Variants in CTNND2 observed in about 807,000 individuals in gnomAD.
The protein encoded by CTNND2 is catenin delta 2, also known as catenin delta-2.
In CTNND2, 22 loss-of-function variants were observed where a neutral mutation model predicts 144.4. That is an observed-to-expected ratio of 0.15 (90% confidence interval 0.11 to 0.22). The LOEUF (loss-of-function observed/expected upper bound fraction) is 0.22. Among genes scored for constraint, CTNND2 ranks in the 10% least tolerant of loss-of-function variants. CTNND2 has a pLI of 1.00. For missense variants in CTNND2, 1,353 were observed against 1,618.8 expected (o/e 0.84, Z 2.82); for synonymous variants, 751 against 695.6 (o/e 1.08, Z -1.25).
At chr5:11,717,751 C>A (rs1786434223) in intron 2 of CTNND2, among the ~76,000 whole-genome samples, 1 of 152,046 alleles carries the variant, frequency 6.6e-6, no homozygotes, top group East Asian at 1.9e-4. Context: ...GGGGAATTCC[C>A]ATTTTTAAAG....
chr5:11,395,525 A>G (rs1277776198), intron 6 of CTNND2, among the ~76,000 whole-genome samples: 1 of 152,134 alleles, frequency 6.6e-6, no homozygotes, highest in Non-Finnish European at 1.5e-5. Flanking sequence ...TCAAACTATA[A>G]CTCTGATGAC....
chr5:11,298,462 C>T (rs1379869505), intron 9 of CTNND2, among the ~76,000 whole-genome samples: 1 of 152,220 alleles, frequency 6.6e-6, no homozygotes, highest in Non-Finnish European at 1.5e-5. Flanking sequence ...TGAGCCACTG[C>T]TCCCAGCCAT....
intron 8 of CTNND2, among the ~76,000 whole-genome samples, chr5:11,348,130 C>T (rs577207351): frequency 1.1e-4 from 17 of 152,122 alleles, no homozygotes; most frequent in Admixed American, 7.9e-4. Flanking sequence ...TTTGAAATAA[C>T]GAAGGTTGTC....
intron 2 of CTNND2, among the ~76,000 whole-genome samples, chr5:11,644,900 T>C (rs1782268229): frequency 1.3e-5 from 2 of 152,132 alleles, no homozygotes; most frequent in African/African-American, 4.8e-5. Flanking sequence ...AGAATTCAGT[T>C]TGATGGCAAA....
intron 2 of CTNND2, among the ~76,000 whole-genome samples, chr5:11,722,636 A>G (rs569705299): frequency 1.3e-5 from 2 of 152,308 alleles, no homozygotes; most frequent in East Asian, 3.9e-4. Flanking sequence ...CCTTCTTCAC[A>G]TGGTGGTAGG....
At chr5:11,874,741 G>GT (rs1303102249) in intron 1 of CTNND2, among the ~76,000 whole-genome samples, 1 of 152,142 alleles carries the variant, frequency 6.6e-6, no homozygotes, top group African/African-American at 2.4e-5. Context: ...CTATTTAATA[G>GT]TTTTAGACCA....
At chr5:11,112,909 G>A (rs192521037) in intron 13 of CTNND2, among the ~76,000 whole-genome samples, 11 of 152,282 alleles carry the variant, frequency 7.2e-5, no homozygotes, top group African/African-American at 2.2e-4. Flanking sequence ...TTGGGAGGCC[G>A]AGGTGGGTGG....
intron 2 of CTNND2, among the ~76,000 whole-genome samples, chr5:11,636,252 G>A (rs1282345734): frequency 6.6e-6 from 1 of 152,016 alleles, no homozygotes; most frequent in African/African-American, 2.4e-5. Flanking sequence ...TATAACTATT[G>A]CCAATCTCAA....
At chr5:11,692,568 G>A (rs1040464383) in intron 2 of CTNND2, among the ~76,000 whole-genome samples, 3 of 152,276 alleles carry the variant, frequency 2.0e-5, no homozygotes, top group South Asian at 4.1e-4. Flanking sequence ...GAAGATAAAC[G>A]CCATTAGGTG....
intron 2 of CTNND2, among the ~76,000 whole-genome samples, chr5:11,664,970 T>A (rs191412768): frequency 6.6e-6 from 1 of 152,270 alleles, no homozygotes; most frequent in Non-Finnish European, 1.5e-5. Flanking sequence ...CTCCCCGGAA[T>A]GAAAATTCAT....
At chr5:11,789,014 A>G (rs1417036736) in intron 1 of CTNND2, among the ~76,000 whole-genome samples, 1 of 152,166 alleles carries the variant, frequency 6.6e-6, no homozygotes, top group Non-Finnish European at 1.5e-5. Flanking sequence ...CAAAACCACA[A>G]TGAGATACCA....
rs139037354 is a variant in CTNND2, at chr5:11,082,740, G to A, written c.2744C>T (p.Ala915Val). 1.5e-5 allele frequency: 25 copies of A among 1,614,146 alleles called. No individual in the cohort carries two copies. Among genetic ancestry groups the A allele is most frequent in the South Asian group, 2.2e-5 (2 of 91,076 alleles). ...NDRVVCAVAT[A>V]LRNMALDVRN... ...GACGTCCAAGGCCATGTTCCGCAGC[G>A]CAGTGGCCACCGCGCACACCACACG... Residue 915 changes from alanine to valine, a missense_variant, in exon 16 of 22, where the codon GCG (alanine) becomes GTG (valine). This residue lies in a region of CTNND2 where 459 missense variants were observed against 674.3 expected (regional missense o/e 0.68). Transcript: ENST00000304623.
chr5:11,665,371 A>G (rs1347253452), intron 2 of CTNND2, among the ~76,000 whole-genome samples: 4 of 152,216 alleles, frequency 2.6e-5, no homozygotes, highest in African/African-American at 9.6e-5. Context: ...ACTGGTTTAT[A>G]TAAGTGGTTC....
chr5:11,411,482 A>G, intron 5 of CTNND2, 54 bp downstream of exon 5: 1 of 857,738 alleles, frequency 1.2e-6, no homozygotes, highest in Non-Finnish European at 2.0e-6. Context: ...AGAAATAATG[A>G]CATAATACTC....
chr5:10,977,085 T>C (rs1418616577), intron 21 of CTNND2, among the ~76,000 whole-genome samples: 2 of 152,150 alleles, frequency 1.3e-5, no homozygotes, highest in Non-Finnish European at 2.9e-5. Flanking sequence ...TTGAGAACCA[T>C]TGGCACAGAG....
chr5:11,388,341 G>A (rs938874293), intron 6 of CTNND2, among the ~76,000 whole-genome samples: 1 of 152,174 alleles, frequency 6.6e-6, no homozygotes, highest in Non-Finnish European at 1.5e-5. Flanking sequence ...TTCTCAATCC[G>A]TACTGCTCAA....
intron 3 of CTNND2, among the ~76,000 whole-genome samples, chr5:11,443,236 A>ATG (rs142482923): frequency 0.075 from 5,934 of 79,274 alleles, 391 homozygotes; most frequent in African/African-American, 0.3. Context: ...TGTGTGTGTG[A>ATG]TGTGTGTGTG....
intron 2 of CTNND2, among the ~76,000 whole-genome samples, chr5:11,618,041 C>T (rs998516115): frequency 2.0e-5 from 3 of 151,984 alleles, no homozygotes; most frequent in Admixed American, 6.6e-5. Context: ...TAACAACATG[C>T]CCTATACCTT....
At chr5:11,533,565 A>G (rs1021644916) in intron 3 of CTNND2, among the ~76,000 whole-genome samples, 6 of 152,302 alleles carry the variant, frequency 3.9e-5, no homozygotes, top group African/African-American at 9.6e-5. Flanking sequence ...GCTAAGCCCA[A>G]CACCCAGCAC....
Sources: gnomAD v4.1 joint callset for allele counts (sites outside exome capture counted in the v4.1 genomes callset) on GRCh38, gnomAD v4.1.1 for gene constraint, gnomAD v4.1.1 regional missense constraint, MANE v1.5 for transcripts, NCBI Gene and HGNC (gene_info 2026-07-23, HGNC 2026-07-21) for gene names.